HCRTR2: variants seen among roughly 807,000 people sequenced by gnomAD.
The protein encoded by HCRTR2 is orexin receptor type 2.
HCRTR2 carries 22 observed loss-of-function variants against 49.0 expected under a neutral mutation model. The observed-to-expected ratio is 0.45, with a 90% confidence interval of 0.32 to 0.64. HCRTR2 has a LOEUF of 0.64. Among genes scored for constraint, HCRTR2 ranks in the 30% least tolerant of loss-of-function variants. HCRTR2 has a pLI of 0.04. For synonymous variants in HCRTR2, 236 were observed against 205.3 expected (o/e 1.15, Z -1.28); for missense variants, 491 against 559.4 (o/e 0.88, Z 1.23).
intron 4 of HCRTR2, among the ~76,000 whole-genome samples, chr6:55,264,372 T>C (rs893178515): frequency 6.6e-5 from 10 of 152,126 alleles, no homozygotes; most frequent in Non-Finnish European, 1.5e-4. Context: ...TACACTTTGT[T>C]AGATAATTCT....
chr6:55,142,115 A>G (rs1298833692), intron 1 of HCRTR2, among the ~76,000 whole-genome samples: 1 of 152,192 alleles, frequency 6.6e-6, no homozygotes, highest in Non-Finnish European at 1.5e-5. Flanking sequence ...ACTGAAAACA[A>G]CTTATTGAAG....
intron 1 of HCRTR2, among the ~76,000 whole-genome samples, chr6:55,166,642 T>C (rs897744436): frequency 1.3e-5 from 2 of 152,118 alleles, no homozygotes; most frequent in Non-Finnish European, 2.9e-5. Context: ...GAAAACAATT[T>C]GTCAGTTCCT....
At chr6:55,151,409 A>C (rs1207554167) in intron 1 of HCRTR2, among the ~76,000 whole-genome samples, 1 of 152,012 alleles carries the variant, frequency 6.6e-6, no homozygotes, top group African/African-American at 2.4e-5. Flanking sequence ...TCTTTACTAA[A>C]AGTATATTCC....
At chr6:55,145,052 A>G (rs1764560138) in intron 1 of HCRTR2, among the ~76,000 whole-genome samples, 1 of 152,014 alleles carries the variant, frequency 6.6e-6, no homozygotes, top group South Asian at 2.1e-4. Context: ...TGCTTCTTTT[A>G]CCGCCCTTCC....
chr6:55,245,504 T>TATATATATATATATATA (rs1562020390), intron 1 of HCRTR2, among the ~76,000 whole-genome samples: 6 of 106,766 alleles, frequency 5.6e-5, no homozygotes, highest in African/African-American at 1.3e-4. Context: ...TATATATATA[T>TATATATATATATATATA]ATCTTCCCCA....
intron 3 of HCRTR2, among the ~76,000 whole-genome samples, chr6:55,258,555 A>G (rs1160291289): frequency 6.6e-6 from 1 of 152,182 alleles, no homozygotes; most frequent in Admixed American, 6.5e-5. Context: ...ACCATAAGCC[A>G]TGATTTCTGG....
chr6:55,190,722 A>G (rs113547798), intron 1 of HCRTR2, among the ~76,000 whole-genome samples: 1 of 152,166 alleles, frequency 6.6e-6, no homozygotes, highest in African/African-American at 2.4e-5. Flanking sequence ...TACATTTTTT[A>G]AAATCTTAAA....
Position 55,248,683 on chromosome 6 carries a change from A to T in HCRTR2, c.268A>T (p.Asn90Tyr). ...GAACCACCACATGAGGACGGTAACC[A>T]ACTACTTCATAGTCAATCTTTCTCT... ...WKNHHMRTVT[N>Y]YFIVNLSLAD... Residue 90 changes from asparagine to tyrosine, a missense_variant, in exon 2 of 7, where the codon AAC becomes TAC. Asn to Tyr is a moderately radical substitution (Grantham distance 143). Transcript: ENST00000370862. 1 of 1,613,506 alleles carries T rather than the reference A, an allele frequency of 6.2e-7. No individual in the cohort carries two copies. Among genetic ancestry groups the T allele is most frequent in the Non-Finnish European group, 8.5e-7 (1 of 1,179,558 alleles).
intron 1 of HCRTR2, among the ~76,000 whole-genome samples, chr6:55,119,098 C>T (rs898137109): frequency 2.0e-5 from 3 of 151,990 alleles, no homozygotes; most frequent in Non-Finnish European, 2.9e-5. Flanking sequence ...TCATCCATGT[C>T]CCTGTAAAGG....
chr6:55,224,323 C>T (rs899934451), intron 1 of HCRTR2, among the ~76,000 whole-genome samples: 22 of 151,898 alleles, frequency 1.4e-4, no homozygotes, highest in African/African-American at 5.3e-4. Flanking sequence ...AATGGATAAA[C>T]GTAGAAAACA....
chr6:55,194,095 C>A (rs1245884170), intron 1 of HCRTR2, among the ~76,000 whole-genome samples: 2 of 151,768 alleles, frequency 1.3e-5, no homozygotes, highest in African/African-American at 4.8e-5. Flanking sequence ...AAAGAAAAAA[C>A]AAAAAACAAA....
At chr6:55,167,357 T>C (rs1055882593) in intron 1 of HCRTR2, among the ~76,000 whole-genome samples, 1 of 152,162 alleles carries the variant, frequency 6.6e-6, no homozygotes, top group Non-Finnish European at 1.5e-5. Flanking sequence ...GAGTTCATTG[T>C]ATGTATATTT....
At chr6:55,210,328 G>T (rs1295150240) in intron 1 of HCRTR2, among the ~76,000 whole-genome samples, 1 of 152,060 alleles carries the variant, frequency 6.6e-6, no homozygotes, top group Non-Finnish European at 1.5e-5. Context: ...TCCTAGCTTA[G>T]ATTGATACAA....
rs189975540 is a variant in HCRTR2, at chr6:55,191,256, A to G, written c.223+16446A>G. Reference sequence around the variant, plus strand: ...TATTAAGCCAACAATATACTTTTAAACTTATACAACTTTGCAAAAAAGTAC... The same window carrying G: ...TATTAAGCCAACAATATACTTTTAAGCTTATACAACTTTGCAAAAAAGTAC... On this transcript the variant is annotated intron_variant, in intron 1 of 6. Transcript: ENST00000370862. 3.7e-3 allele frequency among the ~76,000 whole-genome samples: 558 copies of G among 152,334 alleles called. 6 individuals are homozygous for G. Among genetic ancestry groups the G allele is most frequent in the African/African-American group, 0.013 (528 of 41,586 alleles).
chr6:55,194,726 A>C (rs1161801680), intron 1 of HCRTR2, among the ~76,000 whole-genome samples: 3 of 152,102 alleles, frequency 2.0e-5, no homozygotes, highest in Non-Finnish European at 4.4e-5. Context: ...TTCAGTTTCT[A>C]TGAGTTTGGT....
chr6:55,171,999 A>C (rs1207056434), upstream of HCRTR2, among the ~76,000 whole-genome samples: 2 of 152,312 alleles, frequency 1.3e-5, no homozygotes, highest in Non-Finnish European at 1.5e-5. Flanking sequence ...ATGGAAGAGT[A>C]AAATGCAGAT....
rs983606963 is a variant in HCRTR2 at position 55,163,388 on chromosome 6, A to G, written c.-377-10823A>G. Among the ~76,000 whole-genome samples, 41 of 152,258 alleles carry G rather than the reference A, an allele frequency of 2.7e-4. 1 individual carries two copies. The highest frequency in any genetic ancestry group is 9.4e-4 in the African/African-American group (39 of 41,480). ...TAACTTCAAATTATGCTACAAGGCT[A>G]CAGTAACCAAAACAGCATGGTATTG... On this transcript the variant is annotated intron_variant, in intron 1 of 7. Transcript: ENST00000615358.
chr6:55,126,709 GGGAGAT>G (rs150311650), intron 1 of HCRTR2, among the ~76,000 whole-genome samples: 42,429 of 151,836 alleles, frequency 0.28, 6,614 homozygotes, highest in Non-Finnish European at 0.35. Context: ...CTCTGTCCCA[GGGAGAT>G]GGCGTTTTAT....
At chr6:55,213,580 A>G (rs144078213) in intron 1 of HCRTR2, among the ~76,000 whole-genome samples, 60 of 152,306 alleles carry the variant, frequency 3.9e-4, no homozygotes, top group African/African-American at 1.4e-3. Context: ...GCCAGCTGCA[A>G]CAGAGCCAGC....
Sources: allele counts gnomAD v4.1 joint callset (sites outside exome capture counted in the v4.1 genomes callset), GRCh38; gene constraint gnomAD v4.1.1; transcripts MANE v1.5; gene names NCBI Gene and HGNC (gene_info 2026-07-23, HGNC 2026-07-21).